The following ZNF148 variants were observed in gnomAD, a reference collection of about 807,000 sequenced individuals.
ZNF148 encodes the protein zinc finger protein 148.
A neutral mutation model predicts 67.7 loss-of-function variants in ZNF148; 7 were observed. The ratio of observed to expected loss-of-function variants is 0.10; its 90% CI spans 0.06 to 0.19. ZNF148 has a LOEUF of 0.19. Ranked by LOEUF, ZNF148 falls within the 10% of genes least tolerant of loss-of-function variation. ZNF148 has a pLI of 1.00. For missense variants in ZNF148, 583 were observed against 947.1 expected, an observed-to-expected ratio of 0.62 and a Z score of 5.05; for synonymous variants, 333 against 330.7, an observed-to-expected ratio of 1.01 and a Z score of -0.08.
intron 7 of ZNF148, among the ~76,000 whole-genome samples, chr3:125,241,463 A>C (rs1382667438): frequency 2.0e-5 from 3 of 152,112 alleles, no homozygotes; most frequent in African/African-American, 7.2e-5. Context: ...ATAAGTAAAA[A>C]TGAATACATA....
chr3:125,353,387 A>G (rs750606174), intron 1 of ZNF148, among the ~76,000 whole-genome samples: 1 of 152,160 alleles, frequency 6.6e-6, no homozygotes. Flanking sequence ...ATGAATTTAT[A>G]TATGGCATAA....
chr3:125,293,154 A>G (rs1436562239), intron 4 of ZNF148, among the ~76,000 whole-genome samples: 1 of 152,220 alleles, frequency 6.6e-6, no homozygotes, highest in Non-Finnish European at 1.5e-5. Flanking sequence ...TATAACCAAC[A>G]TAAGCAAAAG....
chr3:125,232,752 G>A lies in ZNF148; in HGVS notation c.1974C>T (p.Ser658=), dbSNP rs145231474. The A allele has an allele frequency of 6.0e-4, 966 of 1,613,880 alleles. 7 individuals are homozygous for A. In the Middle Eastern group the frequency reaches 0.014, roughly 24 times the overall value. ...KQVYATMPIN[S]FRSGMNSPLR... is the part of the protein sequence containing the mutation. ...GTGGAGAATTCATTCCTGATCGAAA[G>A]CTATTGATGGGCATGGTGGCATAGA... The change falls in exon 9 of 9, where the codon AGC becomes AGT. Residue 658 remains serine, a synonymous_variant. Transcript: ENST00000360647. This position sits in a 1 kb window ranked among gnomAD's most constrained non-coding sequence, Gnocchi z 4.2.
chr3:125,305,797 A>G (rs1218550599), intron 4 of ZNF148, among the ~76,000 whole-genome samples: 1 of 151,796 alleles, frequency 6.6e-6, no homozygotes, highest in Non-Finnish European at 1.5e-5. Context: ...CGGGCAAAAA[A>G]AAAAAAAAGA....
chr3:125,338,641 C>CA (rs369377005), intron 1 of ZNF148, among the ~76,000 whole-genome samples: 1,114 of 100,186 alleles, frequency 0.011, 22 homozygotes, highest in African/African-American at 0.042. Context: ...GACTGAGTGA[C>CA]AGAGTGAGAC....
intron 5 of ZNF148, among the ~76,000 whole-genome samples, chr3:125,285,867 T>C (rs1041045182): frequency 2.0e-5 from 3 of 152,186 alleles, no homozygotes; most frequent in African/African-American, 7.2e-5. Context: ...ATAATACCTT[T>C]AGAAATATTC....
chr3:125,226,878 T>C lies in ZNF148; in HGVS notation c.*5463A>G, dbSNP rs1935660188. ...TAAAAATATCACAAATCTCTTTTTA[T>C]TTAACACTGAAAATTTCAATGTGAT... On this transcript the variant is annotated 3_prime_UTR_variant, in exon 9 of 9. Transcript: ENST00000360647. The C allele has an allele frequency of 6.6e-6, 1 of 152,174 alleles. No homozygotes were observed. The highest frequency in any genetic ancestry group is 6.6e-5 in the Admixed American group (1 of 15,266). 9.4% of individuals were successfully genotyped at this position (152,174 alleles called of 1,614,324 possible).
rs1340289179 is a variant in ZNF148, at chr3:125,226,931, T to G, written c.*5410A>C. 6.6e-6 allele frequency: 1 copy of G among 152,180 alleles called. No homozygotes were observed. Among genetic ancestry groups the G allele is most frequent in the Non-Finnish European group, 1.5e-5 (1 of 68,026 alleles). The allele number at this position is 152,180 out of a possible 1,614,324, so 9.4% of individuals were successfully genotyped here. ...GTTTCATTGCAAAGCAACTGTCACC[T>G]GAGTAGATTTTAAAATTTAGTGCTC... On this transcript the variant is annotated 3_prime_UTR_variant, in exon 9 of 9. Transcript: ENST00000360647.
intron 3 of ZNF148, among the ~76,000 whole-genome samples, chr3:125,319,011 C>CCA (rs1396257773): frequency 1.3e-5 from 2 of 152,216 alleles, no homozygotes; most frequent in Middle Eastern, 3.4e-3. Context: ...CCCAACCCCC[C>CCA]CACACACCTA....
chr3:125,324,779 G>A (rs1940947469), intron 2 of ZNF148, among the ~76,000 whole-genome samples: 1 of 152,122 alleles, frequency 6.6e-6, no homozygotes, highest in Non-Finnish European at 1.5e-5. Flanking sequence ...ACTTCAGAAA[G>A]TATAATATTA....
At chr3:125,322,877 A>T (rs749817402) in intron 3 of ZNF148, among the ~76,000 whole-genome samples, 5 of 152,200 alleles carry the variant, frequency 3.3e-5, no homozygotes, top group Non-Finnish European at 7.3e-5. Context: ...ATAAAAACTG[A>T]TATGTTTTCT....
At chr3:125,351,351 C>T (rs1242950073) in intron 1 of ZNF148, among the ~76,000 whole-genome samples, 1 of 125,232 alleles carries the variant, frequency 8.0e-6, no homozygotes, top group African/African-American at 3.1e-5. Flanking sequence ...CGCACTCCGG[C>T]CTGGGCCACA....
At chr3:125,360,514 G>A (rs921467314) in intron 1 of ZNF148, among the ~76,000 whole-genome samples, 3 of 151,976 alleles carry the variant, frequency 2.0e-5, no homozygotes, top group African/African-American at 7.3e-5. Flanking sequence ...TCGAACTCCT[G>A]AGCTCAAGTG....
chr3:125,347,758 T>C (rs1013896036), intron 1 of ZNF148, among the ~76,000 whole-genome samples: 1 of 151,938 alleles, frequency 6.6e-6, no homozygotes, highest in Non-Finnish European at 1.5e-5. Context: ...CTCGAACTCC[T>C]GGGCTCAAAG....
At chr3:125,370,625 C>T (rs1942849429) in intron 1 of ZNF148, among the ~76,000 whole-genome samples, 1 of 152,204 alleles carries the variant, frequency 6.6e-6, no homozygotes, top group Non-Finnish European at 1.5e-5. Context: ...GTTGCCATTA[C>T]TTAGACTCCC....
chr3:125,324,080 TAAG>T (rs1940913147), intron 2 of ZNF148, among the ~76,000 whole-genome samples: 2 of 152,110 alleles, frequency 1.3e-5, no homozygotes, highest in South Asian at 2.1e-4. Context: ...AAACAAAACT[TAAG>T]AAACTACTTA....
At chr3:125,330,254 C>A (rs960823164) in intron 2 of ZNF148, among the ~76,000 whole-genome samples, 1 of 152,010 alleles carries the variant, frequency 6.6e-6, no homozygotes, top group Non-Finnish European at 1.5e-5. Flanking sequence ...TGCTTGAGCT[C>A]AGGAGTTCAA....
intron 7 of ZNF148, among the ~76,000 whole-genome samples, chr3:125,265,282 T>A (rs1220171781): frequency 2.6e-5 from 4 of 152,232 alleles, no homozygotes; most frequent in Non-Finnish European, 4.4e-5. Flanking sequence ...TTGCTTTTAG[T>A]AGCTAGCCTC....
chr3:125,331,010 G>A, intron 2 of ZNF148, 148 bp downstream of exon 2: 1 of 390,334 alleles, frequency 2.6e-6, no homozygotes, highest in Middle Eastern at 6.5e-4. Flanking sequence ...TTATAATAGT[G>A]ATACCATGTT....
Sources: allele counts gnomAD v4.1 joint callset (sites outside exome capture counted in the v4.1 genomes callset), GRCh38; gene constraint gnomAD v4.1.1; non-coding constraint Gnocchi (gnomAD v3.1); transcripts MANE v1.5; gene names NCBI Gene and HGNC (gene_info 2026-07-23, HGNC 2026-07-21).